MACROD2: variants seen among roughly 807,000 people sequenced by gnomAD.
MACROD2 encodes the protein ADP-ribose glycohydrolase MACROD2.
Under a neutral mutation model 70.4 loss-of-function variants are expected in MACROD2, and 36 were observed. That is an observed-to-expected ratio of 0.51 (90% CI 0.39 to 0.68). The LOEUF (loss-of-function observed/expected upper bound fraction) is 0.68. MACROD2 is among the 30% of genes least tolerant of loss of function. The probability of loss-of-function intolerance (pLI) is 0.00; values close to 1 mark genes in which losing one functional copy is unlikely to be tolerated. For synonymous variants in MACROD2, 172 were observed against 178.8 expected (o/e 0.96, Z 0.30); for missense variants, 496 against 538.4 (o/e 0.92, Z 0.78).
chr20:15,455,969 A>G (rs1239744792), intron 7 of MACROD2, among the ~76,000 whole-genome samples: 1 of 152,138 alleles, frequency 6.6e-6, no homozygotes, highest in Non-Finnish European at 1.5e-5. Context: ...AGAGACCCAG[A>G]CAAGCCTGAG....
intron 4 of MACROD2, among the ~76,000 whole-genome samples, chr20:14,676,022 A>G (rs1028004432): frequency 6.6e-6 from 1 of 152,190 alleles, no homozygotes; most frequent in Non-Finnish European, 1.5e-5. Context: ...TATGCACCCA[A>G]TACAGGTGTG....
intron 5 of MACROD2, among the ~76,000 whole-genome samples, chr20:14,808,857 G>A (rs1401514809): frequency 2.0e-5 from 3 of 151,868 alleles, no homozygotes. Flanking sequence ...TTACATAATG[G>A]TAAAGGGATC....
At chr20:15,773,395 C>A (rs78165965) in intron 8 of MACROD2, among the ~76,000 whole-genome samples, 11,064 of 152,012 alleles carry the variant, frequency 0.073, 695 homozygotes, top group African/African-American at 0.17. Flanking sequence ...TGCTGCAAAT[C>A]AGCTATGTCA....
At chr20:14,138,200 G>C (rs1169668060) in intron 3 of MACROD2, among the ~76,000 whole-genome samples, 1 of 152,130 alleles carries the variant, frequency 6.6e-6, no homozygotes. Flanking sequence ...ACAGTATGGA[G>C]GTTCCTTGAG....
intron 5 of MACROD2, among the ~76,000 whole-genome samples, chr20:14,976,550 A>G (rs1389278916): frequency 2.6e-5 from 4 of 152,076 alleles, no homozygotes; most frequent in Non-Finnish European, 2.9e-5. Context: ...GCTTAACCCA[A>G]TCTGCAGTGT....
At chr20:14,916,888 G>T (rs1179873806) in intron 5 of MACROD2, among the ~76,000 whole-genome samples, 1 of 151,978 alleles carries the variant, frequency 6.6e-6, no homozygotes, top group Non-Finnish European at 1.5e-5. Flanking sequence ...TCTTTTTCAT[G>T]GACCACTGTC....
chr20:15,483,922 A>G (rs1285484527), intron 7 of MACROD2, among the ~76,000 whole-genome samples: 2 of 152,038 alleles, frequency 1.3e-5, no homozygotes, highest in African/African-American at 4.8e-5. Context: ...CTATCTTGCA[A>G]TCTTGCTATA....
At chr20:15,073,999 T>A (rs1015399928) in intron 5 of MACROD2, among the ~76,000 whole-genome samples, 6 of 152,180 alleles carry the variant, frequency 3.9e-5, no homozygotes, top group Non-Finnish European at 7.3e-5. Flanking sequence ...GAAATACAAT[T>A]TAGGTCTTTA....
intron 12 of MACROD2, among the ~76,000 whole-genome samples, chr20:15,967,019 G>A (rs368634526): frequency 1.2e-4 from 19 of 152,144 alleles, no homozygotes; most frequent in African/African-American, 4.6e-4. Context: ...TGCTAAGCGA[G>A]GGAGGGAATG....
intron 3 of MACROD2, among the ~76,000 whole-genome samples, chr20:14,260,837 G>GA (rs1213401550): frequency 6.6e-6 from 1 of 152,170 alleles, no homozygotes; most frequent in Non-Finnish European, 1.5e-5. Context: ...ATGCAGTAAG[G>GA]AATACATAAG....
At chr20:14,262,583 A>G (rs2082109706) in intron 3 of MACROD2, among the ~76,000 whole-genome samples, 2 of 152,340 alleles carry the variant, frequency 1.3e-5, no homozygotes, top group South Asian at 4.1e-4. Flanking sequence ...GAATGTAATT[A>G]CTTGGAAAGA....
At chr20:14,505,756 A>C (rs1170092378) in intron 4 of MACROD2, among the ~76,000 whole-genome samples, 1 of 152,190 alleles carries the variant, frequency 6.6e-6, no homozygotes, top group Non-Finnish European at 1.5e-5. Flanking sequence ...ACCACACTTT[A>C]AGAATTACTG....
At chr20:14,912,470 C>T (rs1056072161) in intron 5 of MACROD2, among the ~76,000 whole-genome samples, 2 of 152,048 alleles carry the variant, frequency 1.3e-5, no homozygotes, top group Admixed American at 6.6e-5. Context: ...ACTAAGGAAA[C>T]TTTGTCAAGT....
intron 8 of MACROD2, among the ~76,000 whole-genome samples, chr20:15,588,791 T>C (rs949543067): frequency 6.6e-6 from 1 of 152,176 alleles, no homozygotes; most frequent in Non-Finnish European, 1.5e-5. Flanking sequence ...TTATTGTTCA[T>C]ATCACTATCA....
intron 6 of MACROD2, among the ~76,000 whole-genome samples, chr20:15,401,123 C>T (rs6034172): frequency 0.37 from 56,150 of 151,270 alleles, 10,829 homozygotes; most frequent in African/African-American, 0.42. Context: ...CTGCAAGCTC[C>T]GCCTCCCAGG....
intron 6 of MACROD2, among the ~76,000 whole-genome samples, chr20:15,417,920 A>G (rs1371380522): frequency 6.6e-6 from 1 of 152,186 alleles, no homozygotes; most frequent in Non-Finnish European, 1.5e-5. Context: ...CACACTGTGG[A>G]TGCTGAAAAA....
At chr20:14,484,558 A>G (rs562863431) in intron 3 of MACROD2, among the ~76,000 whole-genome samples, 4 of 152,288 alleles carry the variant, frequency 2.6e-5, no homozygotes, top group African/African-American at 9.6e-5. Context: ...GTTTTTACCC[A>G]TTAACTATCC....
intron 3 of MACROD2, among the ~76,000 whole-genome samples, chr20:14,356,853 C>T (rs2083177761): frequency 6.6e-6 from 1 of 152,166 alleles, no homozygotes; most frequent in Non-Finnish European, 1.5e-5. Flanking sequence ...CATATTGGCG[C>T]TGGCTTCTGC....
At chr20:14,529,942 C>A (rs887015327) in intron 4 of MACROD2, among the ~76,000 whole-genome samples, 19 of 152,092 alleles carry the variant, frequency 1.2e-4, no homozygotes, top group Non-Finnish European at 2.1e-4. Context: ...AGAAGCAGAA[C>A]CTAAAACAAT....
Sources: allele counts gnomAD v4.1 joint callset (sites outside exome capture counted in the v4.1 genomes callset), GRCh38; gene constraint gnomAD v4.1.1; transcripts MANE v1.5; gene names NCBI Gene and HGNC (gene_info 2026-07-23, HGNC 2026-07-21).